CACNA2D2: variants seen among roughly 807,000 people sequenced by gnomAD.
The protein encoded by CACNA2D2 is voltage-dependent calcium channel subunit alpha-2/delta-2.
CACNA2D2 carries 48 observed loss-of-function variants against 166.4 expected under a neutral mutation model. The observed-to-expected ratio is 0.29, with a 90% CI of 0.23 to 0.37. The LOEUF is 0.37. Among genes scored for constraint, CACNA2D2 ranks in the 10% least tolerant of loss-of-function variants. The pLI, the probability that CACNA2D2 is intolerant of heterozygous loss-of-function variation, is 1.00. For missense variants in CACNA2D2, 1,122 were observed against 1,433.0 expected (o/e 0.78, Z 3.50); for synonymous variants, 561 against 573.7 (o/e 0.98, Z 0.32).
chr3:50,469,501 C>T (rs981528433), intron 2 of CACNA2D2, among the ~76,000 whole-genome samples: 1 of 152,126 alleles, frequency 6.6e-6, no homozygotes, highest in African/African-American at 2.4e-5. Context: ...CTGTGATCAA[C>T]CTCTGGAAGG....
intron 2 of CACNA2D2, among the ~76,000 whole-genome samples, chr3:50,460,137 G>T (rs923212278): frequency 6.6e-6 from 1 of 152,136 alleles, no homozygotes; most frequent in Non-Finnish European, 1.5e-5. Context: ...AATTAAGCCT[G>T]TTTTTTAAAA....
chr3:50,381,172 C>T, intron 6 of CACNA2D2, 46 bp from the exon 7 acceptor site: 1 of 1,606,294 alleles, frequency 6.2e-7, no homozygotes, highest in South Asian at 1.1e-5. Context: ...TGGGCTGTGT[C>T]CTGTCGAACC....
rs746345943 is a variant in CACNA2D2, at chr3:50,365,628, C to T, written c.2971+5G>A. ...TTGAGGAGGCGCCTCCAAAGCCCTA[C>T]CTACCTGCTTGGAACCAGCTGTGGT... On this transcript the variant is annotated splice_donor_5th_base_variant and intron_variant, in intron 34 of 37. Transcript: ENST00000424201. The surrounding 1 kb of genome is among the most constrained non-coding windows in gnomAD (Gnocchi z 4.5). 2 of 1,576,046 alleles carry T rather than the reference C, an allele frequency of 1.3e-6. No individual in the cohort carries two copies. Among genetic ancestry groups the T allele is most frequent in the Non-Finnish European group, 1.7e-6 (2 of 1,160,682 alleles).
At chr3:50,399,464 T>C (rs1307485689) in intron 3 of CACNA2D2, among the ~76,000 whole-genome samples, 1 of 152,124 alleles carries the variant, frequency 6.6e-6, no homozygotes, top group African/African-American at 2.4e-5. Flanking sequence ...GAAGCTGTGA[T>C]GGAGCGTGGG....
At chr3:50,369,885 T>C (rs1704561528) in intron 23 of CACNA2D2, among the ~76,000 whole-genome samples, 1 of 152,174 alleles carries the variant, frequency 6.6e-6, no homozygotes, top group Non-Finnish European at 1.5e-5. Context: ...TCTGGCTGGC[T>C]CGGCCCCCAG....
At chr3:50,408,803 C>T (rs914254976) in intron 3 of CACNA2D2, among the ~76,000 whole-genome samples, 1 of 152,254 alleles carries the variant, frequency 6.6e-6, no homozygotes, top group African/African-American at 2.4e-5. Context: ...GTAGGGCCCA[C>T]CTGGGCCTCA....
intron 3 of CACNA2D2, among the ~76,000 whole-genome samples, chr3:50,405,857 C>G (rs1401020765): frequency 6.6e-6 from 1 of 152,206 alleles, no homozygotes; most frequent in Non-Finnish European, 1.5e-5. Context: ...TGTTTAAGGC[C>G]TGTTTGTAGC....
At chr3:50,368,103 A>G in intron 24 of CACNA2D2, 35 bp downstream of exon 24, 1 of 1,495,992 alleles carries the variant, frequency 6.7e-7, no homozygotes, top group Non-Finnish European at 9.3e-7. Context: ...CTGCCTGGGC[A>G]CTGCCCAGAG....
intron 1 of CACNA2D2, among the ~76,000 whole-genome samples, chr3:50,485,409 A>AT (rs1488397766): frequency 4.6e-5 from 7 of 152,152 alleles, no homozygotes; most frequent in African/African-American, 1.7e-4. Context: ...TTCACCTTTT[A>AT]TTTTTCCAAC....
chr3:50,406,454 T>C (rs561831409), intron 3 of CACNA2D2, among the ~76,000 whole-genome samples: 38 of 151,214 alleles, frequency 2.5e-4, no homozygotes, highest in African/African-American at 8.9e-4. Context: ...ATCAGCCCTA[T>C]CACCCCCATC....
At chr3:50,377,583 C>A (rs1018025783) in intron 16 of CACNA2D2, 42 bp from the exon 17 acceptor site, 1 of 1,596,000 alleles carries the variant, frequency 6.3e-7, no homozygotes. Context: ...GAGCTCAATT[C>A]CATGGGGAAC....
At chr3:50,398,226 CT>C (rs1048024980) in intron 3 of CACNA2D2, among the ~76,000 whole-genome samples, 5 of 151,964 alleles carry the variant, frequency 3.3e-5, no homozygotes, top group African/African-American at 1.2e-4. Flanking sequence ...GCCTGTCCCC[CT>C]GGGAGTGGTT....
chr3:50,486,336 G>A (rs1332252222), intron 1 of CACNA2D2, among the ~76,000 whole-genome samples: 1 of 152,158 alleles, frequency 6.6e-6, no homozygotes, highest in Admixed American at 6.5e-5. Context: ...CTGTCCATGT[G>A]TCACCAACCA....
chr3:50,374,890 T>C, intron 21 of CACNA2D2, 77 bp from the exon 22 acceptor site: 1 of 1,192,766 alleles, frequency 8.4e-7, no homozygotes, highest in South Asian at 1.3e-5. Flanking sequence ...GCCTTGGAGC[T>C]GGGCAGAGGC....
At chr3:50,408,766 C>T (rs1706844602) in intron 3 of CACNA2D2, among the ~76,000 whole-genome samples, 1 of 152,204 alleles carries the variant, frequency 6.6e-6, no homozygotes, top group Admixed American at 6.5e-5. Flanking sequence ...CAGGCCTACC[C>T]CACACTGCAC....
At chr3:50,464,717 CCT>C (rs1050159646) in intron 2 of CACNA2D2, among the ~76,000 whole-genome samples, 99 of 152,220 alleles carry the variant, frequency 6.5e-4, no homozygotes, top group African/African-American at 2.2e-3. Flanking sequence ...CTTCGTTTCC[CCT>C]GAGTGGCTCC....
At position 50,365,287 on chromosome 3, in the gene CACNA2D2, T is replaced by C. The variant is rs1704183078; in HGVS notation, c.3098+69A>G. On this transcript the variant is annotated intron_variant, in intron 35 of 37. Coordinates refer to ENST00000424201, the MANE Select transcript of CACNA2D2 (RefSeq NM_006030.4). The surrounding 1 kb of genome is among the most constrained non-coding windows in gnomAD (Gnocchi z 4.5). The stretch of plus-strand genomic sequence containing the variant: ...CCGCTCGGAGGCCCCGCCCCTTCCA[T>C]CCTCCCGAGCGTCTCGCCCCGCTCA... 4 of 1,309,420 alleles carry C rather than the reference T, an allele frequency of 3.1e-6. No homozygotes were observed. The African/African-American group carries it at 7.3e-5, about 24-fold the overall frequency. The allele number at this position is 1,309,420 out of a possible 1,614,324, so 81.1% of individuals were successfully genotyped here.
rs369213638 is a variant in CACNA2D2 at position 50,427,131 on chromosome 3, C to T, written c.405+7182G>A. 9.2e-5 allele frequency among the ~76,000 whole-genome samples: 14 copies of T among 152,236 alleles called. No individual in the cohort carries two copies. Among genetic ancestry groups the T allele is most frequent in the African/African-American group, 3.1e-4 (13 of 41,470 alleles). On this transcript the variant is annotated intron_variant, in intron 3 of 37. Transcript: ENST00000424201. This position sits in a 1 kb window ranked among gnomAD's most constrained non-coding sequence, Gnocchi z 4.7. ...ACCGTCCCTTCCGCAGACATCCAGG[C>T]CACCTCGTCCAAGGAGCCCTCTCTG...
At chr3:50,420,304 C>T (rs1373752438) in intron 3 of CACNA2D2, among the ~76,000 whole-genome samples, 1 of 152,220 alleles carries the variant, frequency 6.6e-6, no homozygotes, top group African/African-American at 2.4e-5. Context: ...TGGGGTCCAT[C>T]AATGTGGCAG....
Sources: gnomAD v4.1 joint callset for allele counts (sites outside exome capture counted in the v4.1 genomes callset) on GRCh38, gnomAD v4.1.1 for gene constraint, Gnocchi (gnomAD v3.1) non-coding constraint, MANE v1.5 for transcripts, NCBI Gene and HGNC (gene_info 2026-07-23, HGNC 2026-07-21) for gene names.